Variants in MINDY3 observed in about 807,000 individuals in gnomAD.
The protein encoded by MINDY3 is MINDY lysine 48 deubiquitinase 3.
Under a neutral mutation model 69.2 loss-of-function variants are expected in MINDY3, and 38 were observed. The ratio of observed to expected loss-of-function variants is 0.55; its 90% CI spans 0.42 to 0.72. The LOEUF (loss-of-function observed/expected upper bound fraction) is 0.72. Ranked by LOEUF, MINDY3 falls within the 30% of genes least tolerant of loss-of-function variation. The pLI is 0.00. For synonymous variants in MINDY3, 192 were observed against 180.1 expected (o/e 1.07, Z -0.53); for missense variants, 522 against 519.0 (o/e 1.01, Z -0.06).
chr10:15,815,849 C>G (rs888931097), intron 10 of MINDY3, among the ~76,000 whole-genome samples: 1 of 152,192 alleles, frequency 6.6e-6, no homozygotes, highest in Non-Finnish European at 1.5e-5. Context: ...AGTGGCAAGG[C>G]TGGGATTAAA....
intron 1 of MINDY3, among the ~76,000 whole-genome samples, chr10:15,855,307 A>C (rs1834611848): frequency 1.3e-5 from 2 of 152,236 alleles, no homozygotes; most frequent in South Asian, 2.1e-4. Flanking sequence ...ATTCTATCCT[A>C]AAACAGGACT....
chr10:15,841,617 A>C lies in MINDY3; in HGVS notation c.236-18T>G. On this transcript the variant is annotated intron_variant, in intron 3 of 14. Coordinates refer to ENST00000277632, the MANE Select transcript of MINDY3 (RefSeq NM_024948.4). ...CTCTTCCTCTAAAAATAACCAAAGC[A>C]TAAGTTATAATGGTTTCCTCTGGAA... 6.4e-7 allele frequency: 1 copy of C among 1,569,098 alleles called. No homozygotes were observed. The highest frequency in any genetic ancestry group is 1.4e-5 in the African/African-American group (1 of 73,536).
At chr10:15,820,062 T>A (rs759105448) in intron 9 of MINDY3, among the ~76,000 whole-genome samples, 1 of 151,994 alleles carries the variant, frequency 6.6e-6, no homozygotes, top group Non-Finnish European at 1.5e-5. Context: ...GGGAAGACAA[T>A]AGAAAAGCAA....
Position 15,782,186 on chromosome 10 carries a change from T to C in MINDY3, c.1157A>G (p.Asn386Ser). The C allele has an allele frequency of 6.2e-7, 1 of 1,611,058 alleles. No homozygotes were observed. The highest frequency in any genetic ancestry group is 8.5e-7 in the Non-Finnish European group (1 of 1,178,060). Reference protein sequence around the residue: ...GPESFTVYHYNGLKQSNYNEK... With the variant: ...GPESFTVYHYSGLKQSNYNEK... ...ATTATAATTTGACTGCTTCAATCCA[T>C]TGTAGTGGTAGACAGTAAAAGATTC... Residue 386 changes from asparagine to serine, a missense_variant, in exon 14 of 15, where the codon AAT (asparagine) becomes AGT (serine). Asn to Ser is a conservative substitution (Grantham distance 46). Transcript: ENST00000277632.
At chr10:15,815,686 A>G (rs1839307204) in intron 10 of MINDY3, among the ~76,000 whole-genome samples, 1 of 152,206 alleles carries the variant, frequency 6.6e-6, no homozygotes, top group Non-Finnish European at 1.5e-5. Context: ...GATGATGATG[A>G]CGATGACCAC....
chr10:15,840,799 A>G (rs1227109517), intron 4 of MINDY3, among the ~76,000 whole-genome samples: 1 of 151,660 alleles, frequency 6.6e-6, no homozygotes, highest in East Asian at 1.9e-4. Flanking sequence ...GGTCAATTAC[A>G]TAACAATTTT....
At chr10:15,850,338 A>G (rs936758754) in intron 1 of MINDY3, among the ~76,000 whole-genome samples, 10 of 152,234 alleles carry the variant, frequency 6.6e-5, no homozygotes, top group African/African-American at 1.9e-4. Flanking sequence ...TGCAGTGTTC[A>G]GGGAACAAGG....
At chr10:15,848,188 A>G (rs1833989147) in intron 1 of MINDY3, among the ~76,000 whole-genome samples, 1 of 152,204 alleles carries the variant, frequency 6.6e-6, no homozygotes, top group East Asian at 1.9e-4. Context: ...CTCTAGGAGG[A>G]TAAAGTATGG....
chr10:15,803,334 T>C (rs987450798), intron 10 of MINDY3, among the ~76,000 whole-genome samples: 1 of 152,144 alleles, frequency 6.6e-6, no homozygotes, highest in Non-Finnish European at 1.5e-5. Flanking sequence ...CTAATCCATG[T>C]AGCAAACTTA....
intron 2 of MINDY3, 117 bp downstream of exon 2, chr10:15,847,747 T>G: frequency 1.7e-6 from 1 of 605,342 alleles, no homozygotes; most frequent in Non-Finnish European, 2.9e-6. Flanking sequence ...GAGCAAAAGT[T>G]AAGAGTTAAT....
chr10:15,793,441 T>C (rs1837569750), intron 11 of MINDY3, among the ~76,000 whole-genome samples: 1 of 152,148 alleles, frequency 6.6e-6, no homozygotes, highest in East Asian at 1.9e-4. Flanking sequence ...GTATGCTTGA[T>C]ATCAAAATAA....
chr10:15,846,639 T>G (rs756941728), intron 2 of MINDY3, among the ~76,000 whole-genome samples: 1 of 152,332 alleles, frequency 6.6e-6, no homozygotes, highest in South Asian at 2.1e-4. Flanking sequence ...GAAATATATT[T>G]TTAATAATGT....
chr10:15,837,778 C>G, intron 5 of MINDY3: 6 of 1,031,164 alleles, frequency 5.8e-6, no homozygotes, highest in Non-Finnish European at 7.0e-6. Flanking sequence ...CAAATGCCAC[C>G]CATAATTCTA....
At position 15,837,402 on chromosome 10, in the gene MINDY3, A is replaced by G. The variant is rs959882242; in HGVS notation, c.462-84T>C. ...AGGGAAAATTTTTAAATTTTCTTAT[A>G]CATTAAAACATATACATACAAACAG... On this transcript the variant is annotated intron_variant, in intron 5 of 14. Transcript: ENST00000277632. 7.1e-5 allele frequency: 87 copies of G among 1,227,070 alleles called. No individual in the cohort carries two copies. The East Asian group carries it at 2.1e-3, about 30-fold the overall frequency. The allele number at this position is 1,227,070 out of a possible 1,614,324, so 76.0% of individuals were successfully genotyped here.
chr10:15,850,634 T>A (rs1007957733), intron 1 of MINDY3, among the ~76,000 whole-genome samples: 4 of 152,178 alleles, frequency 2.6e-5, no homozygotes, highest in Non-Finnish European at 4.4e-5. Flanking sequence ...AGACCGGTTG[T>A]CTGCTCTCAA....
rs909550996 is a variant in MINDY3 at position 15,837,550 on chromosome 10, G to A, written c.462-232C>T. ...TAAGAAAGAACACCTACTTGGCAGGGAACCTCTTCATCTCTTAGGTGAACT... is the reference window on the plus strand; with the variant it reads ...TAAGAAAGAACACCTACTTGGCAGGAAACCTCTTCATCTCTTAGGTGAACT... On this transcript the variant is annotated intron_variant, in intron 5 of 14. Coordinates refer to ENST00000277632, the MANE Select transcript of MINDY3 (RefSeq NM_024948.4). The A allele has an allele frequency of 4.9e-6, 7 of 1,418,136 alleles. No homozygotes were observed. The African/African-American group carries it at 8.6e-5, about 17-fold the overall frequency. The allele number at this position is 1,418,136 out of a possible 1,614,324, so 87.8% of individuals were successfully genotyped here.
intron 1 of MINDY3, among the ~76,000 whole-genome samples, chr10:15,856,830 T>C (rs1834723790): frequency 6.6e-6 from 1 of 152,170 alleles, no homozygotes. Flanking sequence ...TTGGTTCTGT[T>C]TGGTTGTGGT....
chr10:15,832,876 T>G (rs1832828640), intron 8 of MINDY3, among the ~76,000 whole-genome samples: 1 of 152,188 alleles, frequency 6.6e-6, no homozygotes, highest in Admixed American at 6.5e-5. Context: ...TGGTAACTAT[T>G]ATTTTCTCAA....
chr10:15,827,317 G>T (rs931366461), intron 8 of MINDY3, among the ~76,000 whole-genome samples: 2 of 151,904 alleles, frequency 1.3e-5, no homozygotes, highest in African/African-American at 4.8e-5. Flanking sequence ...CGAGGTTGAC[G>T]GATCACCTGA....
Sources: allele counts gnomAD v4.1 joint callset (sites outside exome capture counted in the v4.1 genomes callset), GRCh38; gene constraint gnomAD v4.1.1; transcripts MANE v1.5; gene names NCBI Gene and HGNC (gene_info 2026-07-23, HGNC 2026-07-21).